The following CHD8 variants were observed in gnomAD, a reference collection of about 807,000 sequenced individuals.
CHD8 encodes the protein chromodomain helicase DNA binding protein 8.
CHD8 carries 31 observed loss-of-function variants against 279.2 expected under a neutral mutation model. The ratio of observed to expected loss-of-function variants is 0.11; its 90% CI spans 0.08 to 0.15. The LOEUF is 0.15. Among genes scored for constraint, CHD8 ranks in the 10% least tolerant of loss-of-function variants. The probability of loss-of-function intolerance (pLI) is 1.00; values close to 1 mark genes in which losing one functional copy is unlikely to be tolerated. For missense variants in CHD8, 2,146 were observed against 3,230.5 expected (o/e 0.66, Z 8.14); for synonymous variants, 1,081 against 1,139.6 (o/e 0.95, Z 1.04).
rs763874660 is a variant in CHD8, at chr14:21,409,897, C to T, written c.2318G>A (p.Arg773Gln). The T allele has an allele frequency of 9.2e-5, 148 of 1,613,818 alleles. No individual in the cohort carries two copies. The East Asian group carries it at 1.5e-3, about 16-fold the overall frequency. Reference sequence around the variant, plus strand: ...CCTTGACTGAATCCGTTTAAATTCTCGAATCTTGCCCTCATCAACATCTTC... The same window carrying T: ...CCTTGACTGAATCCGTTTAAATTCTTGAATCTTGCCCTCATCAACATCTTC... ...LKEDVDEGKI[R>Q]EFKRIQSRHP... The change falls in exon 11 of 38, where the codon CGA becomes CAA. Residue 773 changes from arginine to glutamine, a missense_variant. By Grantham distance (43) the Arg-to-Gln change is conservative. Around this residue, in one of 26 missense-constraint regions of CHD8, gnomAD observed 211 missense variants for 464.7 expected, o/e 0.45. Transcript: ENST00000646647.
intron 3 of CHD8, among the ~76,000 whole-genome samples, chr14:21,428,502 A>G (rs1164754080): frequency 1.3e-5 from 2 of 152,176 alleles, no homozygotes; most frequent in South Asian, 2.1e-4. Context: ...ATTAATATAC[A>G]TCTCCATTAC....
chr14:21,393,040 T>TC (rs1373239303), intron 33 of CHD8, 66 bp downstream of exon 33: 3 of 1,513,900 alleles, frequency 2.0e-6, no homozygotes, highest in African/African-American at 2.8e-5. Context: ...TGTTCCTTTT[T>TC]CCCCGGATAT....
rs746873183 is a variant in CHD8 at position 21,394,931 on chromosome 14, G to A, written c.5371C>T (p.Arg1791Trp). Residue 1791 changes from arginine to tryptophan, a missense_variant, in exon 30 of 38, where the codon CGG becomes TGG. Physicochemically the swap from Arg to Trp is moderately radical, Grantham distance 101. Around this residue, in one of 26 missense-constraint regions of CHD8, gnomAD observed 513 missense variants for 637.6 expected, o/e 0.80. Transcript: ENST00000646647. ...TTTTACCGTTGTTGTTTCTCCCGCC[G>A]TGCAATTTCTTTCAGCTTGAAGGCT... ...EAAFKLKEIA[R>W]REKQQRWTRR... 2.7e-5 allele frequency: 43 copies of A among 1,613,768 alleles called. No individual in the cohort carries two copies. Among genetic ancestry groups the A allele is most frequent in the South Asian group, 7.7e-5 (7 of 91,084 alleles).
At chr14:21,399,835 C>T (rs1048543239) in intron 25 of CHD8, 130 bp from the exon 26 acceptor site, 14 of 931,610 alleles carry the variant, frequency 1.5e-5, no homozygotes, top group Middle Eastern at 5.0e-4. Context: ...CTATTTCCTC[C>T]CACTAGTGTC....
In CHD8 at chr14:21,430,912, T is replaced by C; in HGVS notation, c.732A>G (p.Pro244=). The change falls in exon 2 of 38, where the codon CCA becomes CCG. Residue 244 remains proline, a synonymous_variant. Coordinates refer to ENST00000646647, the MANE Select transcript of CHD8 (RefSeq NM_001170629.2). Reference sequence around the variant, plus strand: ...CTGGCTGGAGGACCAGCTGCTTTACTGGTCGGCTGGGCTGGACAATGCGCT... The same window carrying C: ...CTGGCTGGAGGACCAGCTGCTTTACCGGTCGGCTGGGCTGGACAATGCGCT... ...AVQRIVQPSR[P]VKQLVLQPVK... 6.3e-7 allele frequency: 1 copy of C among 1,599,474 alleles called. No homozygotes were observed. The highest frequency in any genetic ancestry group is 8.5e-7 in the Non-Finnish European group (1 of 1,179,768).
Position 21,428,305 on chromosome 14 carries a change from T to G in CHD8, c.1216-51A>C, listed in dbSNP as rs892180102. ...TCAACTTGCTTGTAGTTAAATGGCCTAAATAAAATCCAGCTCTGAAGCAGG... is the reference window on the plus strand; with the variant it reads ...TCAACTTGCTTGTAGTTAAATGGCCGAAATAAAATCCAGCTCTGAAGCAGG... On this transcript the variant is annotated intron_variant, in intron 3 of 37. Coordinates refer to ENST00000646647, the MANE Select transcript of CHD8 (RefSeq NM_001170629.2). 9 of 1,561,458 alleles carry G rather than the reference T, an allele frequency of 5.8e-6. No individual in the cohort carries two copies. The African/African-American group carries it at 1.2e-4, about 21-fold the overall frequency.
In CHD8 at chr14:21,441,715, C is replaced by T. The variant is rs181707598; in HGVS notation, c.-215-9857G>A. ...CATCCTGGCTAACACGGTGAAACCC[C>T]GTCTCTACTAAAAATACAAAAAAAT... On this transcript the variant is annotated intron_variant, in intron 1 of 37. Transcript: ENST00000646647. Among the ~76,000 whole-genome samples the T allele has an allele frequency of 2.4e-3, 364 of 151,776 alleles. 5 individuals are homozygous for T. Among genetic ancestry groups the T allele is most frequent in the African/African-American group, 7.6e-3 (316 of 41,372 alleles).
intron 3 of CHD8, 115 bp from the exon 4 acceptor site, chr14:21,428,369 G>T: frequency 3.3e-6 from 3 of 919,602 alleles, no homozygotes; most frequent in Non-Finnish European, 4.9e-6. Flanking sequence ...CAAGAATCAA[G>T]CTCAGACTAA....
At chr14:21,425,068 C>T (rs938841547) in intron 5 of CHD8, among the ~76,000 whole-genome samples, 2 of 152,160 alleles carry the variant, frequency 1.3e-5, no homozygotes, top group Non-Finnish European at 2.9e-5. Flanking sequence ...TGGAAGCCTA[C>T]GCTTCTGGTC....
chr14:21,394,624 A>T, intron 30 of CHD8, 139 bp from the exon 31 acceptor site: 2 of 575,706 alleles, frequency 3.5e-6, no homozygotes, highest in South Asian at 2.2e-5. Flanking sequence ...AAAAAAAAAA[A>T]GGCCCAGAAG....
At chr14:21,388,132 C>T (rs1048832059) in intron 37 of CHD8, among the ~76,000 whole-genome samples, 3 of 152,076 alleles carry the variant, frequency 2.0e-5, no homozygotes, top group Non-Finnish European at 2.9e-5. Flanking sequence ...AAAAATAAGC[C>T]TCATAAATCT....
rs762069708 is a variant in CHD8 at position 21,437,296 on chromosome 14, G to A, written c.-215-5438C>T. On this transcript the variant is annotated intron_variant, in intron 1 of 37. Coordinates refer to ENST00000646647, the MANE Select transcript of CHD8 (RefSeq NM_001170629.2). ...AACCTGATGCTCCTGCCCGCCCCGC[G>A]CCATCATTGGCTGAAGCGCACTGCC... 1.3e-5 allele frequency: 15 copies of A among 1,131,818 alleles called. No individual in the cohort carries two copies. The Admixed American group carries it at 5.0e-4, about 38-fold the overall frequency. 70.1% of individuals were successfully genotyped at this position (1,131,818 alleles called of 1,614,324 possible). A position where few individuals can be genotyped will look rare whatever the true frequency, so the allele number is the denominator to read the frequency against.
intron 4 of CHD8, chr14:21,426,611 T>C (rs1436589709): frequency 6.0e-6 from 1 of 166,436 alleles, no homozygotes; most frequent in Non-Finnish European, 1.3e-5. Flanking sequence ...AGAGAGATAA[T>C]ACCTGTCCTG....
At chr14:21,387,338 T>A (rs974804616) in intron 37 of CHD8, among the ~76,000 whole-genome samples, 7 of 150,984 alleles carry the variant, frequency 4.6e-5, no homozygotes, top group Non-Finnish European at 1.0e-4. Flanking sequence ...ATACCAAAAT[T>A]AGCCGGGAGT....
chr14:21,392,985 A>C, intron 33 of CHD8, 121 bp downstream of exon 33: 1 of 1,263,864 alleles, frequency 7.9e-7, no homozygotes, highest in Non-Finnish European at 1.1e-6. Context: ...AAAAAAAAAA[A>C]AAAACTTGCA....
In CHD8 at chr14:21,405,092, G is replaced by T; in HGVS notation, c.3307+117C>A. ...AGAACCATTTCCCTCCCATTCCTCA[G>T]TCCGCACCCCAAATTAGGTTGGTTG... On this transcript the variant is annotated intron_variant, in intron 16 of 37. Coordinates refer to ENST00000646647, the MANE Select transcript of CHD8 (RefSeq NM_001170629.2). This position sits in a 1 kb window ranked among gnomAD's most constrained non-coding sequence, Gnocchi z 4.2. 1 of 950,586 alleles carries T rather than the reference G, an allele frequency of 1.1e-6. No individual in the cohort carries two copies. Among genetic ancestry groups the T allele is most frequent in the Non-Finnish European group, 1.6e-6 (1 of 634,112 alleles). 58.9% of individuals were successfully genotyped at this position (950,586 alleles called of 1,614,324 possible).
intron 37 of CHD8, 61 bp from the exon 38 acceptor site, chr14:21,386,237 A>C: frequency 1.4e-6 from 2 of 1,444,782 alleles, no homozygotes; most frequent in Non-Finnish European, 1.9e-6. Context: ...AAAGAAACCA[A>C]AGCCAACAGA....
chr14:21,387,918 T>C (rs1318767162), intron 37 of CHD8, among the ~76,000 whole-genome samples: 1 of 151,988 alleles, frequency 6.6e-6, no homozygotes, highest in East Asian at 1.9e-4. Flanking sequence ...GTAGCAGAAG[T>C]ACTTGAGGTA....
chr14:21,435,460 T>C (rs1889743703), intron 1 of CHD8, among the ~76,000 whole-genome samples: 1 of 152,252 alleles, frequency 6.6e-6, no homozygotes, highest in African/African-American at 2.4e-5. Context: ...CTTGATTTTT[T>C]TGGAAATCTA....
Sources: allele counts gnomAD v4.1 joint callset (sites outside exome capture counted in the v4.1 genomes callset), GRCh38; gene constraint gnomAD v4.1.1; regional missense constraint gnomAD v4.1.1; non-coding constraint Gnocchi (gnomAD v3.1); transcripts MANE v1.5; gene names NCBI Gene and HGNC (gene_info 2026-07-23, HGNC 2026-07-21).